STK3: variants seen among roughly 807,000 people sequenced by gnomAD.
STK3 encodes the protein serine/threonine kinase 3.
Under a neutral mutation model 58.0 loss-of-function variants are expected in STK3, and 41 were observed. The observed-to-expected ratio is 0.71, with a 90% CI of 0.55 to 0.92. The LOEUF (loss-of-function observed/expected upper bound fraction) is 0.92, where lower values mean the gene tolerates loss of function less well. STK3 is among the 40% of genes least tolerant of loss of function. STK3 has a pLI of 0.00. For missense variants in STK3, 479 were observed against 602.7 expected (o/e 0.79, Z 2.15); for synonymous variants, 170 against 191.0 (o/e 0.89, Z 0.91).
intron 7 of STK3, 167 bp downstream of exon 7, chr8:98,595,865 A>T: frequency 1.6e-6 from 1 of 627,800 alleles, no homozygotes; most frequent in South Asian, 4.8e-5. Flanking sequence ...ACTCTGGGGG[A>T]AATGAGGGGA....
chr8:98,782,908 G>A (rs978495790), intron 1 of STK3, among the ~76,000 whole-genome samples: 3 of 151,552 alleles, frequency 2.0e-5, no homozygotes, highest in Admixed American at 2.0e-4. Flanking sequence ...AGGAAAGGAA[G>A]GAGGGAAATA....
At chr8:98,685,529 C>G (rs1823925070) in intron 6 of STK3, among the ~76,000 whole-genome samples, 8 of 152,016 alleles carry the variant, frequency 5.3e-5, no homozygotes, top group Admixed American at 4.6e-4. Flanking sequence ...TGTAATAAAC[C>G]TTAATCCCCA....
chr8:98,882,143 C>G (rs1051542837), downstream of STK3: 1 of 152,082 alleles, frequency 6.6e-6, no homozygotes, highest in African/African-American at 2.4e-5. Context: ...TTATCCATGA[C>G]TTATTCCTGA....
At chr8:98,814,237 G>A (rs183624747) in intron 1 of STK3, among the ~76,000 whole-genome samples, 2 of 152,060 alleles carry the variant, frequency 1.3e-5, no homozygotes, top group East Asian at 1.9e-4. Context: ...TTTTAGTAGA[G>A]ACAGGGTTTC....
rs537781905 is a variant in STK3, at chr8:98,899,520, G to C, written c.-78-15686C>G. Among the ~76,000 whole-genome samples the C allele has an allele frequency of 3.9e-5, 6 of 152,182 alleles. No individual in the cohort carries two copies. The South Asian group carries it at 1.2e-3, about 32-fold the overall frequency. The stretch of plus-strand genomic sequence containing the variant: ...TTATATAGCATTTATAGTGTATTGG[G>C]TATTACAAGTAATCTAGAGATGATT... On this transcript the variant is annotated intron_variant, in intron 1 of 1. Transcript: ENST00000519420.
At chr8:98,435,869 T>C (rs1818467279) in intron 2 of STK3, among the ~76,000 whole-genome samples, 1 of 152,150 alleles carries the variant, frequency 6.6e-6, no homozygotes, top group African/African-American at 2.4e-5. Flanking sequence ...GGCCATAGCC[T>C]TGCTTTTCTC....
chr8:98,391,789 G>A (rs761111167), upstream of STK3, among the ~76,000 whole-genome samples: 3 of 152,012 alleles, frequency 2.0e-5, no homozygotes, highest in African/African-American at 7.3e-5. Context: ...AACTAGAACC[G>A]GGACACAATA....
At chr8:98,794,738 G>GATGAAC (rs1315504496) in intron 1 of STK3, among the ~76,000 whole-genome samples, 4 of 152,050 alleles carry the variant, frequency 2.6e-5, no homozygotes, top group African/African-American at 7.2e-5. Context: ...CAATATCCCT[G>GATGAAC]ATGAACATAA....
intron 4 of STK3, among the ~76,000 whole-genome samples, chr8:98,740,353 G>A (rs1829084137): frequency 6.6e-6 from 1 of 152,150 alleles, no homozygotes; most frequent in Non-Finnish European, 1.5e-5. Context: ...AGAAAGGTCG[G>A]GTTACCCACA....
At chr8:98,375,806 A>G (rs558228563) in intron 2 of STK3, among the ~76,000 whole-genome samples, 10 of 152,270 alleles carry the variant, frequency 6.6e-5, no homozygotes, top group East Asian at 5.8e-4. Context: ...TCCTTCTTTC[A>G]TCTACTGGAG....
At chr8:98,870,959 G>T (rs536020589) in intron 3 of STK3, among the ~76,000 whole-genome samples, 219 of 152,142 alleles carry the variant, frequency 1.4e-3, no homozygotes, top group African/African-American at 5.1e-3. Context: ...TTTCCTCTAG[G>T]GTTTTTATGG....
chr8:98,353,155 C>G, the STK3 span, among the ~76,000 whole-genome samples: 2 of 152,054 alleles, frequency 1.3e-5, no homozygotes, highest in Admixed American at 1.3e-4. Context: ...TATAAAATTA[C>G]GTTCAGATTA....
intron 7 of STK3, among the ~76,000 whole-genome samples, chr8:98,580,583 A>T (rs1385178577): frequency 1.3e-5 from 2 of 152,230 alleles, no homozygotes; most frequent in Non-Finnish European, 2.9e-5. Context: ...AGCATCAGGT[A>T]AAAGTGACCT....
At chr8:98,823,907 G>C (rs1264086657) in intron 1 of STK3, among the ~76,000 whole-genome samples, 2 of 152,124 alleles carry the variant, frequency 1.3e-5, no homozygotes, top group East Asian at 1.9e-4. Flanking sequence ...AAAACGAGTA[G>C]CTATATTTCA....
At chr8:98,858,108 C>T (rs1222113682) in intron 3 of STK3, among the ~76,000 whole-genome samples, 2 of 151,256 alleles carry the variant, frequency 1.3e-5, no homozygotes, top group African/African-American at 2.4e-5. Context: ...TAGGGCCAGG[C>T]ACAGTGGCTC....
intron 7 of STK3, among the ~76,000 whole-genome samples, chr8:98,581,235 G>A (rs1813855442): frequency 6.6e-6 from 1 of 152,286 alleles, no homozygotes; most frequent in Admixed American, 6.5e-5. Flanking sequence ...GGTTCTCCCA[G>A]AGTCCTGTAC....
At chr8:98,814,773 G>A (rs1446432323) in intron 1 of STK3, among the ~76,000 whole-genome samples, 1 of 151,902 alleles carries the variant, frequency 6.6e-6, no homozygotes, top group Admixed American at 6.6e-5. Flanking sequence ...GAACCTCAAC[G>A]TCCCAGGCTC....
At chr8:98,923,847 G>GTA (rs1839667533) in intron 1 of STK3, among the ~76,000 whole-genome samples, 2 of 119,942 alleles carry the variant, frequency 1.7e-5, no homozygotes, top group South Asian at 5.1e-4. Flanking sequence ...GTGTGTGTGT[G>GTA]TGTGTGTGCG....
At chr8:98,925,513 G>A (rs1048280092) in intron 1 of STK3, among the ~76,000 whole-genome samples, 1 of 152,206 alleles carries the variant, frequency 6.6e-6, no homozygotes, top group African/African-American at 2.4e-5. Flanking sequence ...AGGTTTTGAG[G>A]TAATAGAGAT....
Sources: allele counts gnomAD v4.1 joint callset (sites outside exome capture counted in the v4.1 genomes callset), GRCh38; gene constraint gnomAD v4.1.1; transcripts MANE v1.5; gene names NCBI Gene and HGNC (gene_info 2026-07-23, HGNC 2026-07-21).